The following LMTK2 variants were observed in gnomAD, a reference collection of about 807,000 sequenced individuals.
The protein encoded by LMTK2 is serine/threonine-protein kinase LMTK2.
Under a neutral mutation model 127.5 loss-of-function variants are expected in LMTK2, and 37 were observed. The observed-to-expected ratio is 0.29, with a 90% CI of 0.22 to 0.38. The LOEUF (loss-of-function observed/expected upper bound fraction) is 0.38. LMTK2 is among the 10% of genes least tolerant of loss of function. LMTK2 has a pLI of 1.00. For synonymous variants in LMTK2, 819 were observed against 810.1 expected (o/e 1.01, Z -0.19); for missense variants, 1,694 against 1,920.3 (o/e 0.88, Z 2.20).
chr7:98,189,258 G>A (rs1164979622), intron 9 of LMTK2, among the ~76,000 whole-genome samples: 1 of 152,144 alleles, frequency 6.6e-6, no homozygotes, highest in African/African-American at 2.4e-5. Flanking sequence ...GGAAGAGAAA[G>A]TTGCTCCTGG....
chr7:98,189,022 TCTGA>T (rs1458423770), intron 9 of LMTK2, among the ~76,000 whole-genome samples: 1 of 152,158 alleles, frequency 6.6e-6, no homozygotes, highest in Non-Finnish European at 1.5e-5. Context: ...TCTTTTTCCC[TCTGA>T]CTGGGTGATT....
At position 98,171,657 on chromosome 7, in the gene LMTK2, G is replaced by C; in HGVS notation, c.774G>C (p.Lys258Asn). ...CCGCGGGGCTGGCCGCCATGCACAAGCTGCACTTCCTGCACAGGTGGGTAC... is the reference window on the plus strand; with the variant it reads ...CCGCGGGGCTGGCCGCCATGCACAACCTGCACTTCCTGCACAGGTGGGTAC... ...EVAAGLAAMH[K>N]LHFLHSDLAL... The change falls in exon 7 of 14, where the codon AAG (lysine) becomes AAC (asparagine). Residue 258 changes from lysine (K) to asparagine (N), a missense_variant. Around this residue, in one of 8 missense-constraint regions of LMTK2, gnomAD observed 203 missense variants for 226.2 expected, o/e 0.90. Transcript: ENST00000297293. This position sits in a 1 kb window ranked among gnomAD's most constrained non-coding sequence, Gnocchi z 5.1. 1 of 1,594,646 alleles carries C rather than the reference G, an allele frequency of 6.3e-7. No homozygotes were observed. Among genetic ancestry groups the C allele is most frequent in the Non-Finnish European group, 8.5e-7 (1 of 1,170,640 alleles).
At chr7:98,157,303 T>TATAG (rs1202484045) in intron 5 of LMTK2, among the ~76,000 whole-genome samples, 37 of 149,018 alleles carry the variant, frequency 2.5e-4, no homozygotes, top group South Asian at 6.5e-4. Context: ...GTAGGTAGAT[T>TATAG]ATAGATAGAT....
chr7:98,170,284 A>G (rs1010079776), intron 6 of LMTK2, among the ~76,000 whole-genome samples: 2 of 152,220 alleles, frequency 1.3e-5, no homozygotes, highest in African/African-American at 4.8e-5. Flanking sequence ...GGTGGCAACT[A>G]TTAATATCAA....
chr7:98,133,900 A>G (rs1428599716), intron 1 of LMTK2, among the ~76,000 whole-genome samples: 1 of 152,248 alleles, frequency 6.6e-6, no homozygotes, highest in East Asian at 1.9e-4. Flanking sequence ...TGATGCTTAA[A>G]AAAACAAAAC....
At chr7:98,124,679 G>A (rs576195324) in intron 1 of LMTK2, among the ~76,000 whole-genome samples, 3 of 152,026 alleles carry the variant, frequency 2.0e-5, no homozygotes, top group South Asian at 2.1e-4. Context: ...CCAGCTACTC[G>A]GGAGGCTGAG....
In LMTK2 at chr7:98,121,631, CA is replaced by C. The variant is rs568171727; in HGVS notation, c.103+14363del. 2.6e-3 allele frequency among the ~76,000 whole-genome samples: 337 copies of C among 132,150 alleles called. 1 individual carries two copies. The highest frequency in any genetic ancestry group is 6.2e-3 in the African/African-American group (223 of 35,968). 86.7% of individuals were successfully genotyped at this position (132,150 alleles called of 152,430 possible). A position where few individuals can be genotyped will look rare whatever the true frequency, so the allele number is the denominator to read the frequency against. On this transcript the variant is annotated intron_variant, in intron 1 of 13. Coordinates refer to ENST00000297293, the MANE Select transcript of LMTK2 (RefSeq NM_014916.4). The stretch of plus-strand genomic sequence containing the variant: ...CCTGGCACAGAGCCAGACTCCATCT[CA>C]AAAAAAAAAAAGAAAATTAGGAAAC...
At chr7:98,115,385 C>G (rs552686478) in intron 1 of LMTK2, among the ~76,000 whole-genome samples, 1 of 150,580 alleles carries the variant, frequency 6.6e-6, no homozygotes, top group Non-Finnish European at 1.5e-5. Context: ...CATTGCACAC[C>G]AGCCTGGGCG....
chr7:98,107,665 C>T (rs1187431802), intron 1 of LMTK2, among the ~76,000 whole-genome samples: 2 of 152,174 alleles, frequency 1.3e-5, no homozygotes, highest in Admixed American at 1.3e-4. Context: ...CGTTTCTTAG[C>T]CCTAATCATA....
Position 98,193,934 on chromosome 7 carries a change from A to C in LMTK2, c.3469A>C (p.Lys1157Gln), listed in dbSNP as rs1239079311. Residue 1157 changes from lysine to glutamine, a missense_variant, in exon 11 of 14, where the codon AAG (lysine) becomes CAG (glutamine). Transcript: ENST00000297293. The surrounding 1 kb of genome is among the most constrained non-coding windows in gnomAD (Gnocchi z 4.1). ...CCAGGATAGCTGCCTGGAAGCCAGA[A>C]AGAGCCAGCCAGATGAAAGTTGTCT... Reference protein sequence around the residue: ...AAQDSCLEARKSQPDESCLSA... With the variant: ...AAQDSCLEARQSQPDESCLSA... 1 of 1,614,086 alleles carries C rather than the reference A, an allele frequency of 6.2e-7. No homozygotes were observed. The highest frequency in any genetic ancestry group is 1.7e-5 in the Admixed American group (1 of 60,020).
intron 4 of LMTK2, among the ~76,000 whole-genome samples, chr7:98,154,274 C>T (rs906983801): frequency 6.6e-6 from 1 of 152,088 alleles, no homozygotes; most frequent in South Asian, 2.1e-4. Flanking sequence ...GGATGGAGTG[C>T]GATGGGTGTT....
intron 6 of LMTK2, among the ~76,000 whole-genome samples, chr7:98,161,164 C>T (rs547051243): frequency 6.6e-6 from 1 of 151,812 alleles, no homozygotes; most frequent in East Asian, 1.9e-4. Flanking sequence ...TTCTGTTCTT[C>T]TTTGGGATTC....
At chr7:98,160,172 T>G (rs1796992612) in intron 6 of LMTK2, among the ~76,000 whole-genome samples, 1 of 152,228 alleles carries the variant, frequency 6.6e-6, no homozygotes, top group Non-Finnish European at 1.5e-5. Context: ...TTAATTGATT[T>G]CTTTGCATCA....
intron 11 of LMTK2, 35 bp from the exon 12 acceptor site, chr7:98,203,539 C>G: frequency 6.4e-7 from 1 of 1,568,666 alleles, no homozygotes; most frequent in Non-Finnish European, 8.6e-7. Context: ...CGTGAGCAGG[C>G]CTTTGCTGAC....
At chr7:98,116,131 C>T (rs1392023094) in intron 1 of LMTK2, among the ~76,000 whole-genome samples, 1 of 152,166 alleles carries the variant, frequency 6.6e-6, no homozygotes, top group African/African-American at 2.4e-5. Flanking sequence ...TGGCCTCAAG[C>T]AGTCCTCTGG....
intron 3 of LMTK2, among the ~76,000 whole-genome samples, chr7:98,145,706 A>T (rs1229879528): frequency 6.6e-6 from 1 of 152,190 alleles, no homozygotes; most frequent in African/African-American, 2.4e-5. Flanking sequence ...TCTCTTAATC[A>T]TAATCATGTC....
chr7:98,170,765 C>G (rs1323970956), intron 6 of LMTK2, among the ~76,000 whole-genome samples: 1 of 152,070 alleles, frequency 6.6e-6, no homozygotes, highest in Non-Finnish European at 1.5e-5. Flanking sequence ...ACGGTAAACT[C>G]CCAAAAACAT....
chr7:98,183,914 A>C (rs909909861), intron 7 of LMTK2, among the ~76,000 whole-genome samples: 2 of 152,174 alleles, frequency 1.3e-5, no homozygotes, highest in East Asian at 1.9e-4. Context: ...GCAGTGGTGA[A>C]TCTATCTGGG....
chr7:98,112,414 C>T (rs1265534520), intron 1 of LMTK2, among the ~76,000 whole-genome samples: 1 of 152,182 alleles, frequency 6.6e-6, no homozygotes, highest in Non-Finnish European at 1.5e-5. Context: ...TTGTGAAGGT[C>T]CAAACCTGTG....
Sources: gnomAD v4.1 joint callset for allele counts (sites outside exome capture counted in the v4.1 genomes callset) on GRCh38, gnomAD v4.1.1 for gene constraint, gnomAD v4.1.1 regional missense constraint, Gnocchi (gnomAD v3.1) non-coding constraint, MANE v1.5 for transcripts, NCBI Gene and HGNC (gene_info 2026-07-23, HGNC 2026-07-21) for gene names.